The following CT45A10 variants were observed in gnomAD, a reference collection of about 807,000 sequenced individuals.
CT45A10 encodes cancer/testis antigen family 45 member A10.
CT45A10 carries 19 observed loss-of-function variants against 8.3 expected under a neutral mutation model. The observed-to-expected ratio is 2.30, with a 90% CI of 1.61 to 3.38. The LOEUF (loss-of-function observed/expected upper bound fraction) is 3.38, where lower values mean the gene tolerates loss of function less well. Among genes scored for constraint, CT45A10 ranks in the 30% most tolerant of loss-of-function variants. The pLI is 0.00. For missense variants in CT45A10, 149 were observed against 85.9 expected, an observed-to-expected ratio of 1.73 and a Z score of -2.90; for synonymous variants, 28 against 26.5, an observed-to-expected ratio of 1.06 and a Z score of -0.17.
chrX:135,892,722 A>T (rs1219171829), intron 1 of CT45A10, among the ~76,000 whole-genome samples: 1 of 112,183 alleles, frequency 8.9e-6, no homozygotes, highest in Non-Finnish European at 1.9e-5. Context: ...AGCGTCTGGT[A>T]AGCGTCCCCA....
intron 1 of CT45A10, among the ~76,000 whole-genome samples, chrX:135,891,772 A>G (rs1437849223): frequency 1.8e-5 from 2 of 111,473 alleles, no homozygotes; most frequent in Non-Finnish European, 1.9e-5. Flanking sequence ...TTCATCTAAA[A>G]CACATTATTG....
intron 2 of CT45A10, 74 bp from the exon 3 acceptor site, chrX:135,883,330 A>G (rs2088410489): frequency 5.1e-6 from 6 of 1,187,730 alleles, no homozygotes; most frequent in Non-Finnish European, 2.3e-6. Flanking sequence ...CATAAACCTC[A>G]TGAATGACAG....
chrX:135,892,812 A>C (rs1456225810), intron 1 of CT45A10, among the ~76,000 whole-genome samples: 2 of 111,950 alleles, frequency 1.8e-5, no homozygotes, highest in African/African-American at 6.5e-5. Context: ...TGTGCCCCAC[A>C]GCCGAGAACA....
At position 135,882,647 on chromosome X, in the gene CT45A10, A is replaced by T; in HGVS notation, c.419-18T>A. On this transcript the variant is annotated intron_variant, in intron 3 of 4. Coordinates refer to ENST00000682849, the MANE Select transcript of CT45A10 (RefSeq NM_001291529.2). Reference sequence around the variant, plus strand: ...TTCATATTCTGAAGATGTTGAAAAAAAAACTTCAGTATTATCAAATATAAA... The same window carrying T: ...TTCATATTCTGAAGATGTTGAAAAATAAACTTCAGTATTATCAAATATAAA... 5.2e-6 allele frequency: 6 copies of T among 1,162,903 alleles called. No individual in the cohort carries two copies. The highest frequency in any genetic ancestry group is 6.9e-6 in the Non-Finnish European group (6 of 867,384).
Position 135,883,127 on chromosome X carries a change from C to T in CT45A10, c.299G>A (p.Ser100Asn), listed in dbSNP as rs2088405636. ...SNAPVGGNVT[S>N]NFSGDDLECR... The stretch of plus-strand genomic sequence containing the variant: ...TTCTAGGTCATCTCCAGAGAAATTG[C>T]TGGTAACGTTTCCTCCCACAGGTGC... Residue 100 changes from serine to asparagine, a missense_variant, in exon 3 of 5, where the codon AGC becomes AAC. By Grantham distance (46) the Ser-to-Asn change is conservative. Transcript: ENST00000682849. The T allele has an allele frequency of 5.0e-6, 6 of 1,198,977 alleles. 1 individual carries two copies. The Admixed American group carries it at 6.6e-5, about 13-fold the overall frequency.
intron 1 of CT45A10, among the ~76,000 whole-genome samples, chrX:135,892,391 G>A (rs1309477032): frequency 3.6e-5 from 4 of 112,191 alleles, no homozygotes; most frequent in Admixed American, 2.8e-4. Context: ...TGCACAGTGA[G>A]TTGTGTGCAT....
At chrX:135,892,297 C>G (rs1177549495) in intron 1 of CT45A10, among the ~76,000 whole-genome samples, 3 of 111,998 alleles carry the variant, frequency 2.7e-5, no homozygotes, top group Non-Finnish European at 5.6e-5. Flanking sequence ...GGTGCTCAAT[C>G]TCATTAATTA....
chrX:135,891,955 C>T (rs1418408840), intron 1 of CT45A10, among the ~76,000 whole-genome samples: 1 of 109,470 alleles, frequency 9.1e-6, no homozygotes. Context: ...GCAGAAAAGA[C>T]CTCAAAGGGA....
At chrX:135,892,776 G>T (rs782039779) in intron 1 of CT45A10, among the ~76,000 whole-genome samples, 2 of 112,153 alleles carry the variant, frequency 1.8e-5, no homozygotes, top group Non-Finnish European at 3.8e-5. Flanking sequence ...CATCCTAGCT[G>T]AGAGCGAGCA....
At chrX:135,892,618 G>A (rs1048596179) in intron 1 of CT45A10, among the ~76,000 whole-genome samples, 1 of 110,477 alleles carries the variant, frequency 9.1e-6, no homozygotes, top group Non-Finnish European at 1.9e-5. Context: ...CCCACCACAG[G>A]CTCAGAGAAT....
rs781929767 is a variant in CT45A10, at chrX:135,889,575, G to A, written c.-7+3770C>T. ...GTTTTTTAAAGTCAACCCCGACCGG[G>A]CGCAGTGGCTCACGCCTGTAATGTC... On this transcript the variant is annotated intron_variant, in intron 1 of 4. Coordinates refer to ENST00000682849, the MANE Select transcript of CT45A10 (RefSeq NM_001291529.2). 5.1e-3 allele frequency among the ~76,000 whole-genome samples: 569 copies of A among 111,467 alleles called. 3 individuals carry two copies. The highest frequency in any genetic ancestry group is 0.019 in the Middle Eastern group (4 of 216).
chrX:135,889,029 AG>A, intron 1 of CT45A10: 1 of 334,099 alleles, frequency 3.0e-6, no homozygotes, highest in African/African-American at 6.5e-5. Flanking sequence ...GTTTGGCCCA[AG>A]GGGGATGGAA....
intron 1 of CT45A10, among the ~76,000 whole-genome samples, chrX:135,890,733 A>T (rs782245750): frequency 9.8e-5 from 11 of 112,446 alleles, no homozygotes; most frequent in African/African-American, 2.9e-4. Context: ...TGAACATACC[A>T]ATCATTTAAA....
intron 1 of CT45A10, among the ~76,000 whole-genome samples, chrX:135,886,661 TA>T: frequency 1.3e-5 from 1 of 76,109 alleles, no homozygotes; most frequent in Admixed American, 1.7e-4. Flanking sequence ...GGAATAAATC[TA>T]ATCAAGATGT....
intron 1 of CT45A10, among the ~76,000 whole-genome samples, chrX:135,892,585 G>A (rs1556590640): frequency 9.1e-6 from 1 of 110,207 alleles, no homozygotes; most frequent in East Asian, 2.9e-4. Context: ...TGCCCTCGTG[G>A]CTGACACAAG....
chrX:135,882,528 C>T lies in CT45A10; in HGVS notation c.512+8G>A, dbSNP rs1483161276. The stretch of plus-strand genomic sequence containing the variant: ...TAAAGAAATTGGACAGTTCCTATTT[C>T]TACCCACCTTGCTGCTTCCTTGATG... On this transcript the variant is annotated splice_region_variant and intron_variant, in intron 4 of 4. Coordinates refer to ENST00000682849, the MANE Select transcript of CT45A10 (RefSeq NM_001291529.2). The T allele has an allele frequency of 4.8e-4, 509 of 1,069,308 alleles. 12 individuals carry two copies. The East Asian group carries it at 0.01, about 21-fold the overall frequency. The allele number at this position is 1,069,308 out of a possible 1,213,427, so 88.1% of individuals were successfully genotyped here. A position where few individuals can be genotyped will look rare whatever the true frequency, so the allele number is the denominator to read the frequency against.
At chrX:135,889,532 T>G (rs1241279625) in intron 1 of CT45A10, among the ~76,000 whole-genome samples, 1 of 109,702 alleles carries the variant, frequency 9.1e-6, no homozygotes, top group Non-Finnish European at 1.9e-5. Flanking sequence ...CAAACTGAAA[T>G]TTTCATTTGA....
intron 1 of CT45A10, among the ~76,000 whole-genome samples, chrX:135,891,303 G>T (rs1556589952): frequency 9.3e-6 from 1 of 108,041 alleles, no homozygotes; most frequent in East Asian, 2.8e-4. Flanking sequence ...TAAGAGAGTG[G>T]AAAAGCAAAG....
intron 1 of CT45A10, among the ~76,000 whole-genome samples, chrX:135,889,820 C>T (rs1248297081): frequency 1.3e-5 from 1 of 74,526 alleles, no homozygotes; most frequent in Admixed American, 1.6e-4. Context: ...AGAAAGAAAG[C>T]AAAAAGTTGG....
Sources: allele counts gnomAD v4.1 joint callset (sites outside exome capture counted in the v4.1 genomes callset), GRCh38; gene constraint gnomAD v4.1.1; transcripts MANE v1.5; gene names NCBI Gene and HGNC (gene_info 2026-07-23, HGNC 2026-07-21).